Variants in DNAI7 observed in about 807,000 individuals in gnomAD.
DNAI7 encodes cancer susceptibility 1.
Under a neutral mutation model 86.6 loss-of-function variants are expected in DNAI7, and 78 were observed. That is an observed-to-expected ratio of 0.90 (90% CI 0.75 to 1.09). The LOEUF (loss-of-function observed/expected upper bound fraction) is 1.09, where lower values mean the gene tolerates loss of function less well. DNAI7 is among the 50% of genes least tolerant of loss of function. The probability of loss-of-function intolerance (pLI) is 0.00; values close to 1 mark genes in which losing one functional copy is unlikely to be tolerated. For synonymous variants in DNAI7, 274 were observed against 273.0 expected (o/e 1.00, Z -0.04); for missense variants, 753 against 810.2 (o/e 0.93, Z 0.86).
intron 1 of DNAI7, among the ~76,000 whole-genome samples, chr12:25,193,286 C>G (rs998465508): frequency 1.3e-5 from 2 of 152,004 alleles, no homozygotes; most frequent in African/African-American, 2.4e-5. Context: ...AGGGTGGGCC[C>G]CTAATCCAAT....
intron 9 of DNAI7, among the ~76,000 whole-genome samples, chr12:25,143,391 G>A (rs1178873742): frequency 6.6e-6 from 1 of 151,864 alleles, no homozygotes; most frequent in East Asian, 1.9e-4. Flanking sequence ...TGGGATTACA[G>A]GTATACACCA....
chr12:25,158,144 G>A (rs1048806586), intron 4 of DNAI7, among the ~76,000 whole-genome samples: 17 of 152,038 alleles, frequency 1.1e-4, no homozygotes, highest in African/African-American at 4.1e-4. Flanking sequence ...CAGGAGAATG[G>A]CGTGAACCCA....
At chr12:25,179,557 G>A (rs1949302008) in intron 2 of DNAI7, among the ~76,000 whole-genome samples, 1 of 151,904 alleles carries the variant, frequency 6.6e-6, no homozygotes, top group African/African-American at 2.4e-5. Flanking sequence ...TTGTAAGTAG[G>A]TATACACAAA....
At chr12:25,176,789 T>C (rs922971633) in intron 2 of DNAI7, among the ~76,000 whole-genome samples, 2 of 151,936 alleles carry the variant, frequency 1.3e-5, no homozygotes, top group Non-Finnish European at 2.9e-5. Flanking sequence ...ATGAAAAATA[T>C]AGATTTTTGA....
intron 13 of DNAI7, among the ~76,000 whole-genome samples, chr12:25,112,807 A>G (rs1040576355): frequency 3.9e-5 from 6 of 152,304 alleles, no homozygotes; most frequent in Admixed American, 3.9e-4. Flanking sequence ...TTGAGAGTTT[A>G]CATTTTTTTC....
At position 25,161,175 on chromosome 12, in the gene DNAI7, ACTTT is replaced by A. The variant is rs778560717; in HGVS notation, c.40_43del (p.Lys14SerfsTer7). Reference sequence around the variant, plus strand: ...CAGCTTCAATCGTTCAGCTTTGGTGACTTTCTTTTTCTTACTGCCAGACTTAACA... The same window carrying A: ...CAGCTTCAATCGTTCAGCTTTGGTGACTTTTTCTTACTGCCAGACTTAACA... On this transcript the variant is annotated frameshift_variant, in exon 3 of 16. Transcript: ENST00000395987. LOFTEE classifies it high-confidence loss of function. The A allele has an allele frequency of 3.2e-5, 51 of 1,613,892 alleles. No homozygotes were observed. In the East Asian group the frequency reaches 4.0e-4, roughly 13 times the overall value.
chr12:25,140,025 G>A (rs1009443256), intron 9 of DNAI7, among the ~76,000 whole-genome samples: 3 of 151,918 alleles, frequency 2.0e-5, no homozygotes, highest in Non-Finnish European at 2.9e-5. Context: ...CAGCAAAATC[G>A]GCATAGAAGG....
intron 3 of DNAI7, 159 bp downstream of exon 3, chr12:25,160,944 GCATGTACTAA>G: frequency 1.9e-6 from 1 of 516,914 alleles, no homozygotes; most frequent in Non-Finnish European, 3.4e-6. Context: ...AAAGAGACTG[GCATGTACTAA>G]CATCTTTCTG....
intron 12 of DNAI7, among the ~76,000 whole-genome samples, chr12:25,118,814 C>T (rs549674641): frequency 1.3e-5 from 2 of 152,330 alleles, no homozygotes; most frequent in South Asian, 4.1e-4. Flanking sequence ...GATCTGCCCA[C>T]CTCAGCCTCC....
At chr12:25,152,882 A>G (rs12830058) in intron 6 of DNAI7, among the ~76,000 whole-genome samples, 58,875 of 152,092 alleles carry the variant, frequency 0.39, 13,170 homozygotes, top group East Asian at 0.77. Context: ...TATAAACGCT[A>G]GTTTTTCGTT....
chr12:25,147,484 C>CCCCCCA (rs55662471), intron 7 of DNAI7, among the ~76,000 whole-genome samples: 1 of 138,064 alleles, frequency 7.2e-6, no homozygotes, highest in Non-Finnish European at 1.7e-5. Context: ...AGACCACCCC[C>CCCCCCA]ATCTCTACAA....
rs186819219 is a variant in DNAI7, at chr12:25,156,603, C to T, written c.199-1191G>A. 1.8e-4 allele frequency among the ~76,000 whole-genome samples: 27 copies of T among 151,848 alleles called. 1 individual carries two copies. The East Asian group carries it at 4.3e-3, about 24-fold the overall frequency. On this transcript the variant is annotated intron_variant, in intron 4 of 15. Coordinates refer to ENST00000395987, the MANE Select transcript of DNAI7 (RefSeq NM_018272.5). ...TAAAAATACGAAAATTAGCCGGGCGCGGTGGCGGGTGCCTGTAATCTCTGC... is the reference window on the plus strand; with the variant it reads ...TAAAAATACGAAAATTAGCCGGGCGTGGTGGCGGGTGCCTGTAATCTCTGC...
intron 2 of DNAI7, among the ~76,000 whole-genome samples, chr12:25,186,219 G>A (rs1243068813): frequency 6.6e-6 from 1 of 152,080 alleles, no homozygotes; most frequent in African/African-American, 2.4e-5. Flanking sequence ...CTTTTCTATA[G>A]TCTTACGCAA....
chr12:25,188,205 A>C (rs776281941), intron 2 of DNAI7, among the ~76,000 whole-genome samples: 1 of 152,252 alleles, frequency 6.6e-6, no homozygotes, highest in Non-Finnish European at 1.5e-5. Context: ...TAAAAAGATT[A>C]GTATCCTATA....
intron 1 of DNAI7, among the ~76,000 whole-genome samples, chr12:25,194,514 C>T (rs953365050): frequency 2.4e-4 from 36 of 152,182 alleles, no homozygotes; most frequent in Non-Finnish European, 7.3e-5. Flanking sequence ...ACTCTCATAG[C>T]TACATGTTGG....
intron 13 of DNAI7, among the ~76,000 whole-genome samples, chr12:25,114,005 G>T (rs1338482054): frequency 2.1e-5 from 3 of 143,900 alleles, no homozygotes; most frequent in Non-Finnish European, 4.5e-5. Context: ...GAGTGCAGTG[G>T]TACGATCTCG....
chr12:25,134,899 T>C (rs1267906236), intron 9 of DNAI7, among the ~76,000 whole-genome samples: 1 of 152,178 alleles, frequency 6.6e-6, no homozygotes, highest in African/African-American at 2.4e-5. Context: ...CAGTCAGTAT[T>C]GTAGTGGATT....
chr12:25,145,241 T>A (rs1419989205), intron 8 of DNAI7, among the ~76,000 whole-genome samples: 1 of 152,178 alleles, frequency 6.6e-6, no homozygotes, highest in Non-Finnish European at 1.5e-5. Context: ...TGATGACTCC[T>A]CAAAATATAC....
chr12:25,146,136 C>T (rs966842682), intron 8 of DNAI7, among the ~76,000 whole-genome samples: 1 of 150,442 alleles, frequency 6.6e-6, no homozygotes, highest in Non-Finnish European at 1.5e-5. Context: ...GCAGGAGAAT[C>T]GCTTGAACAC....
Sources: gnomAD v4.1 joint callset for allele counts (sites outside exome capture counted in the v4.1 genomes callset) on GRCh38, gnomAD v4.1.1 for gene constraint, MANE v1.5 for transcripts, NCBI Gene and HGNC (gene_info 2026-07-23, HGNC 2026-07-21) for gene names.